CRTAP: variants seen among roughly 807,000 people sequenced by gnomAD.
CRTAP encodes the protein cartilage-associated protein.
In CRTAP, 33 loss-of-function variants were observed where a neutral mutation model predicts 42.7. The observed-to-expected ratio is 0.77, with a 90% CI of 0.59 to 1.03. The LOEUF is 1.03. Among genes scored for constraint, CRTAP ranks in the 50% least tolerant of loss-of-function variants. CRTAP has a pLI of 0.00. For missense variants in CRTAP, 613 were observed against 533.9 expected, an observed-to-expected ratio of 1.15 and a Z score of -1.46; for synonymous variants, 243 against 217.7, an observed-to-expected ratio of 1.12 and a Z score of -1.02.
chr3:33,129,804 TG>T, intron 3 of CRTAP, 134 bp from the exon 4 acceptor site: 1 of 749,048 alleles, frequency 1.3e-6, no homozygotes, highest in Non-Finnish European at 2.3e-6. Context: ...CCCGAAGTGC[TG>T]GGATTACAGG....
At chr3:33,121,149 C>T (rs1238446464) in intron 2 of CRTAP, among the ~76,000 whole-genome samples, 1 of 152,172 alleles carries the variant, frequency 6.6e-6, no homozygotes, top group African/African-American at 2.4e-5. Context: ...TGGCTCATGC[C>T]TGTAATCCCA....
intron 2 of CRTAP, among the ~76,000 whole-genome samples, chr3:33,122,709 C>T: frequency 1.1e-5 from 1 of 87,524 alleles, no homozygotes; most frequent in African/African-American, 4.5e-5. Context: ...GACTCTGTCT[C>T]AAAAAAAAAA....
intron 3 of CRTAP, among the ~76,000 whole-genome samples, chr3:33,125,500 T>TG (rs1553617150): frequency 2.1e-5 from 3 of 145,752 alleles, no homozygotes; most frequent in Admixed American, 1.4e-4. Flanking sequence ...GGTTTTTTTT[T>TG]TTTTTTTTTT....
chr3:33,142,067 C>T (rs1049895880), intron 6 of CRTAP, among the ~76,000 whole-genome samples: 4 of 152,122 alleles, frequency 2.6e-5, no homozygotes, highest in Admixed American at 2.6e-4. Context: ...CTGTGGGAGA[C>T]CTGCACACAT....
chr3:33,122,709 C>CAAAAAAAA (rs58820155), intron 2 of CRTAP, among the ~76,000 whole-genome samples: 10 of 87,524 alleles, frequency 1.1e-4, no homozygotes, highest in African/African-American at 4.0e-4. Flanking sequence ...GACTCTGTCT[C>CAAAAAAAA]AAAAAAAAAA....
chr3:33,114,662 T>C, intron 1 of CRTAP, 114 bp downstream of exon 1: 4 of 936,930 alleles, frequency 4.3e-6, no homozygotes, highest in Admixed American at 2.2e-5. Flanking sequence ...TAGACCTGGC[T>C]CCCTCCCATC....
chr3:33,120,604 T>G (rs1004837840), intron 2 of CRTAP, 111 bp downstream of exon 2: 5 of 1,490,244 alleles, frequency 3.4e-6, no homozygotes, highest in Non-Finnish European at 4.6e-6. Flanking sequence ...TTGGTGACAT[T>G]TGCTGAATAT....
intron 3 of CRTAP, among the ~76,000 whole-genome samples, chr3:33,127,169 A>G (rs929649966): frequency 4.0e-5 from 6 of 150,762 alleles, no homozygotes; most frequent in Admixed American, 6.6e-5. Context: ...CATTTGTCCT[A>G]CATGGTTCCC....
Position 33,114,512 on chromosome 3 carries a change from C to A in CRTAP, c.435C>A (p.Arg145=). ...SREVLADFQR[R]EPYKFLQFAY... Reference sequence around the variant, plus strand: ...AGGTGCTGGCGGACTTCCAGCGCCGCGAGCCCTACAAGTTCCTGCAGTTCG... The same window carrying A: ...AGGTGCTGGCGGACTTCCAGCGCCGAGAGCCCTACAAGTTCCTGCAGTTCG... The change falls in exon 1 of 7, where the codon CGC becomes CGA. Residue 145 remains arginine, a synonymous_variant. Coordinates refer to ENST00000320954, the MANE Select transcript of CRTAP (RefSeq NM_006371.5). The A allele has an allele frequency of 6.2e-7, 1 of 1,603,928 alleles. No homozygotes were observed. The highest frequency in any genetic ancestry group is 8.5e-7 in the Non-Finnish European group (1 of 1,177,016).
At chr3:33,118,439 C>G (rs1318277538) in intron 1 of CRTAP, among the ~76,000 whole-genome samples, 1 of 152,212 alleles carries the variant, frequency 6.6e-6, no homozygotes, top group Non-Finnish European at 1.5e-5. Context: ...CCACAAGCCA[C>G]TAATTGGCAT....
rs757163727 is a variant in CRTAP, at chr3:33,114,516, C to T, written c.439C>T (p.Pro147Ser). The stretch of plus-strand genomic sequence containing the variant: ...GCTGGCGGACTTCCAGCGCCGCGAG[C>T]CCTACAAGTTCCTGCAGTTCGCTTA... ...EVLADFQRRE[P>S]YKFLQFAYFK... The change falls in exon 1 of 7, where the codon CCC becomes TCC. Residue 147 changes from proline to serine, a missense_variant. Pro to Ser is a moderately conservative substitution (Grantham distance 74, BLOSUM62 -1). Transcript: ENST00000320954. The T allele has an allele frequency of 4.4e-6, 7 of 1,603,930 alleles. No homozygotes were observed. The highest frequency in any genetic ancestry group is 2.2e-4 in the Middle Eastern group (1 of 4,640).
rs980903092 is a variant in CRTAP, at chr3:33,145,938, A to T, written c.*3490A>T. On this transcript the variant is annotated 3_prime_UTR_variant, in exon 7 of 7. Transcript: ENST00000320954. The surrounding 1 kb of genome is among the most constrained non-coding windows in gnomAD (Gnocchi z 4.3). The stretch of plus-strand genomic sequence containing the variant: ...GTGATGTCCCCTGAGGACCCGGGTG[A>T]TAGTACAGTCAATATTGTCAGTACT... 6.6e-6 allele frequency: 1 copy of T among 152,124 alleles called. No homozygotes were observed. The highest frequency in any genetic ancestry group is 6.5e-5 in the Admixed American group (1 of 15,268). The allele number at this position is 152,124 out of a possible 1,614,324, so 9.4% of individuals were successfully genotyped here.
intron 1 of CRTAP, 43 bp from the exon 2 acceptor site, chr3:33,120,301 C>T: frequency 6.5e-7 from 1 of 1,549,728 alleles, no homozygotes; most frequent in South Asian, 1.1e-5. Flanking sequence ...AAAATTACCA[C>T]TTAGCATCCA....
At position 33,124,505 on chromosome 3, in the gene CRTAP, T is replaced by C. The variant is rs367918091; in HGVS notation, c.719T>C (p.Phe240Ser). The change falls in exon 3 of 7, where the codon TTT becomes TCT. Residue 240 changes from phenylalanine to serine, a missense_variant. Transcript: ENST00000320954. ...ELALPDFFKAFYECLAACEGS... is the reference protein window; with the variant it reads ...ELALPDFFKASYECLAACEGS... ...GCCCTTCCCGACTTCTTCAAAGCCT[T>C]TTACGAGTGTCTCGCAGCCTGCGAG... 2.5e-6 allele frequency: 4 copies of C among 1,614,202 alleles called. No individual in the cohort carries two copies. Among genetic ancestry groups the C allele is most frequent in the Non-Finnish European group, 3.4e-6 (4 of 1,180,042 alleles).
intron 5 of CRTAP, among the ~76,000 whole-genome samples, chr3:33,133,652 T>C (rs968740391): frequency 1.9e-5 from 2 of 105,298 alleles, no homozygotes; most frequent in African/African-American, 7.3e-5. Context: ...TTACATAGTT[T>C]TACAACTTTT....
At chr3:33,124,034 C>T (rs1035964979) in intron 2 of CRTAP, among the ~76,000 whole-genome samples, 7 of 152,046 alleles carry the variant, frequency 4.6e-5, no homozygotes, top group Non-Finnish European at 2.9e-5. Flanking sequence ...ATCATAGTTA[C>T]GACATAGAAT....
At chr3:33,135,482 A>T (rs1353543215) in intron 6 of CRTAP, among the ~76,000 whole-genome samples, 1 of 152,152 alleles carries the variant, frequency 6.6e-6, no homozygotes, top group Non-Finnish European at 1.5e-5. Flanking sequence ...CAAAAAAATT[A>T]GCTGGGTATG....
intron 1 of CRTAP, among the ~76,000 whole-genome samples, chr3:33,115,967 A>T (rs1180929924): frequency 6.6e-6 from 1 of 152,236 alleles, no homozygotes; most frequent in East Asian, 1.9e-4. Flanking sequence ...TGAGATTAAT[A>T]AAATTCCAGA....
rs1001998330 is a variant in CRTAP, at chr3:33,145,329, G to A, written c.*2881G>A. The A allele has an allele frequency of 1.3e-5, 2 of 152,386 alleles. No individual in the cohort carries two copies. Among genetic ancestry groups the A allele is most frequent in the Non-Finnish European group, 2.9e-5 (2 of 68,124 alleles). The allele number at this position is 152,386 out of a possible 1,614,324, so 9.4% of individuals were successfully genotyped here. On this transcript the variant is annotated 3_prime_UTR_variant, in exon 7 of 7. Transcript: ENST00000320954. This position sits in a 1 kb window ranked among gnomAD's most constrained non-coding sequence, Gnocchi z 4.3. ...CACAAAATCTGTACTCCCAGCGGGG[G>A]TGTTTGGCCCGAGGAGTCAGTGTTA...
Sources: gnomAD v4.1 joint callset for allele counts (sites outside exome capture counted in the v4.1 genomes callset) on GRCh38, gnomAD v4.1.1 for gene constraint, Gnocchi (gnomAD v3.1) non-coding constraint, MANE v1.5 for transcripts, NCBI Gene and HGNC (gene_info 2026-07-23, HGNC 2026-07-21) for gene names.